Variants in TBC1D5 observed in about 807,000 individuals in gnomAD.
The protein encoded by TBC1D5 is TBC1 domain family member 5, also known as TBC1 domain family, member 5.
TBC1D5 carries 75 observed loss-of-function variants against 100.3 expected under a neutral mutation model. The ratio of observed to expected loss-of-function variants is 0.75; its 90% CI spans 0.62 to 0.91. The LOEUF (loss-of-function observed/expected upper bound fraction) is 0.91, where lower values mean the gene tolerates loss of function less well. TBC1D5 is among the 40% of genes least tolerant of loss of function. TBC1D5 has a pLI of 0.00. For missense variants in TBC1D5, 910 were observed against 942.4 expected, an observed-to-expected ratio of 0.97 and a Z score of 0.45; for synonymous variants, 323 against 325.6, an observed-to-expected ratio of 0.99 and a Z score of 0.09.
rs2065952480 is a variant in TBC1D5 at position 17,160,740 on chromosome 3, A to G, written c.*223T>C. 7.2e-6 allele frequency: 4 copies of G among 554,830 alleles called. 1 individual carries two copies. In the South Asian group the frequency reaches 8.8e-5, roughly 12 times the overall value. The allele number at this position is 554,830 out of a possible 1,614,324, so 34.4% of individuals were successfully genotyped here. A position where few individuals can be genotyped will look rare whatever the true frequency, so the allele number is the denominator to read the frequency against. On this transcript the variant is annotated 3_prime_UTR_variant, in exon 22 of 22. Coordinates refer to ENST00000253692, the Ensembl canonical transcript of TBC1D5. Reference sequence around the variant, plus strand: ...AGCAAGAGTCGGGTGGGGATTAGGTAAGGGCCCAGAAAGCCCTGTCTGCAT... The same window carrying G: ...AGCAAGAGTCGGGTGGGGATTAGGTGAGGGCCCAGAAAGCCCTGTCTGCAT...
At chr3:17,612,141 A>C (rs1171913943) in intron 2 of TBC1D5, among the ~76,000 whole-genome samples, 1 of 151,928 alleles carries the variant, frequency 6.6e-6, no homozygotes, top group South Asian at 2.1e-4. Flanking sequence ...ATCTACAAAA[A>C]ATAAAAAAAT....
Position 17,408,315 on chromosome 3 carries a change from A to ACACT in TBC1D5, c.168-1790_168-1789insAGTG, listed in dbSNP as rs1180258990. On this transcript the variant is annotated intron_variant, in intron 4 of 21. Coordinates refer to ENST00000253692, the Ensembl canonical transcript of TBC1D5. ...CACACACACACACACACACACACAC[A>ACACT]CTTTTTAAAAAAGAGACAAGGTCTC... is the stretch of plus-strand genomic sequence containing the variant. 2.1e-5 allele frequency among the ~76,000 whole-genome samples: 3 copies of ACACT among 143,890 alleles called. No homozygotes were observed. The East Asian group carries it at 6.5e-4, about 31-fold the overall frequency. The allele number at this position is 143,890 out of a possible 152,430, so 94.4% of individuals were successfully genotyped here.
chr3:17,214,799 A>AGG (rs2073427225), intron 17 of TBC1D5, among the ~76,000 whole-genome samples: 1 of 152,126 alleles, frequency 6.6e-6, no homozygotes, highest in African/African-American at 2.4e-5. Flanking sequence ...AAGTTTTTCA[A>AGG]AAAAGCATCT....
intron 15 of TBC1D5, among the ~76,000 whole-genome samples, chr3:17,278,639 G>C (rs963489576): frequency 6.6e-6 from 1 of 151,978 alleles, no homozygotes; most frequent in Non-Finnish European, 1.5e-5. Context: ...TGATACTCTG[G>C]AAAAAGCTAC....
At chr3:17,428,581 C>A in intron 3 of TBC1D5, 62 bp from the exon 4 acceptor site, 1 of 907,102 alleles carries the variant, frequency 1.1e-6, no homozygotes, top group Non-Finnish European at 1.6e-6. Flanking sequence ...AGTTGAAAAA[C>A]TGTGTGAAAG....
chr3:17,181,137 T>C (rs1317563316), intron 19 of TBC1D5, among the ~76,000 whole-genome samples: 2 of 152,184 alleles, frequency 1.3e-5, no homozygotes, highest in African/African-American at 2.4e-5. Flanking sequence ...AGAGGCATCA[T>C]TAAGTTCTGA....
intron 1 of TBC1D5, among the ~76,000 whole-genome samples, chr3:17,661,347 T>C (rs1258127316): frequency 6.6e-6 from 1 of 152,000 alleles, no homozygotes; most frequent in African/African-American, 2.4e-5. Context: ...AACCAGAAAA[T>C]CAAGTCAAAA....
chr3:17,537,164 C>T (rs2096290269), intron 2 of TBC1D5, among the ~76,000 whole-genome samples: 1 of 152,088 alleles, frequency 6.6e-6, no homozygotes, highest in African/African-American at 2.4e-5. Flanking sequence ...ATTTTTATTT[C>T]CCTCAGGGCC....
At chr3:17,172,632 T>A (rs185005701) in intron 19 of TBC1D5, among the ~76,000 whole-genome samples, 1 of 152,336 alleles carries the variant, frequency 6.6e-6, no homozygotes, top group Non-Finnish European at 1.5e-5. Context: ...ACCACTTCTG[T>A]GGAAATTACA....
intron 16 of TBC1D5, among the ~76,000 whole-genome samples, chr3:17,246,948 A>G (rs2596640): frequency 0.41 from 62,266 of 152,108 alleles, 13,454 homozygotes; most frequent in Middle Eastern, 0.49. Context: ...AAGCGTCTTT[A>G]TATATCTGGG....
rs557686364 is a variant in TBC1D5 at position 17,629,838 on chromosome 3, G to A, written c.-100-5925C>T. ...ACAGGAAACGGATTTTCTGACATTT[G>A]AACTTTAGCATGCTACATCTCATAC... On this transcript the variant is annotated intron_variant, in intron 1 of 21. Coordinates refer to ENST00000253692, the Ensembl canonical transcript of TBC1D5. 3.9e-5 allele frequency among the ~76,000 whole-genome samples: 6 copies of A among 152,278 alleles called. No homozygotes were observed. The South Asian group carries it at 1.2e-3, about 32-fold the overall frequency.
At chr3:17,214,454 T>C (rs1180176503) in intron 17 of TBC1D5, 84 bp from the exon 19 acceptor site, 55 of 1,382,412 alleles carry the variant, frequency 4.0e-5, no homozygotes, top group Middle Eastern at 4.0e-4. Context: ...TAAATGATGA[T>C]CAATTATGAT....
intron 2 of TBC1D5, among the ~76,000 whole-genome samples, chr3:17,521,886 C>G (rs9683129): frequency 6.6e-6 from 1 of 151,872 alleles, no homozygotes; most frequent in East Asian, 1.9e-4. Context: ...ATGTTGTAGT[C>G]CATATTAAAA....
chr3:17,443,588 T>C (rs1235103486), intron 3 of TBC1D5, among the ~76,000 whole-genome samples: 15 of 152,206 alleles, frequency 9.9e-5, no homozygotes, highest in Non-Finnish European at 7.4e-5. Flanking sequence ...GTCCTCACTT[T>C]GGCTTACGTA....
At chr3:17,699,823 A>G (rs1384420263) in intron 1 of TBC1D5, among the ~76,000 whole-genome samples, 1 of 151,982 alleles carries the variant, frequency 6.6e-6, no homozygotes, top group South Asian at 2.1e-4. Context: ...GAAAAAAAAA[A>G]AAAAGAAAGA....
chr3:17,553,814 C>T (rs985709196), intron 2 of TBC1D5, among the ~76,000 whole-genome samples: 2 of 152,156 alleles, frequency 1.3e-5, no homozygotes, highest in Non-Finnish European at 2.9e-5. Flanking sequence ...AGTCCCCTTG[C>T]GGGTTCAGAT....
At chr3:17,219,479 GTTTT>G (rs71049188) in intron 17 of TBC1D5, among the ~76,000 whole-genome samples, 9 of 146,490 alleles carry the variant, frequency 6.1e-5, no homozygotes, top group Non-Finnish European at 1.1e-4. Flanking sequence ...CTTTCCTGTG[GTTTT>G]TTTTTTTTCC....
chr3:17,410,242 G>A (rs1241899331), intron 4 of TBC1D5, among the ~76,000 whole-genome samples: 2 of 152,044 alleles, frequency 1.3e-5, no homozygotes, highest in African/African-American at 4.8e-5. Flanking sequence ...ATATCTGTTT[G>A]CAACATGGTT....
Position 17,244,934 on chromosome 3 carries a change from C to G in TBC1D5, c.1332-6515G>C, listed in dbSNP as rs540728668. ...GGTGTGGTGGCTCAGTCCTGTAATC[C>G]CAGTACTTTGGAAGGCCGAGGAAGG... On this transcript the variant is annotated intron_variant, in intron 16 of 21. Transcript: ENST00000253692. Among the ~76,000 whole-genome samples, 108 of 150,568 alleles carry G rather than the reference C, an allele frequency of 7.2e-4. 3 individuals carry two copies. The South Asian group carries it at 0.023, about 32-fold the overall frequency.
Sources: gnomAD v4.1 joint callset for allele counts (sites outside exome capture counted in the v4.1 genomes callset) on GRCh38, gnomAD v4.1.1 for gene constraint, MANE v1.5 for transcripts, NCBI Gene and HGNC (gene_info 2026-07-23, HGNC 2026-07-21) for gene names.